CTNNA1: variants seen among roughly 807,000 people sequenced by gnomAD.
The protein encoded by CTNNA1 is catenin alpha 1, also known as catenin alpha-1.
In CTNNA1, 37 loss-of-function variants were observed where a neutral mutation model predicts 98.4. The observed-to-expected ratio is 0.38, with a 90% CI of 0.29 to 0.49. The LOEUF (loss-of-function observed/expected upper bound fraction) is 0.49, where lower values mean the gene tolerates loss of function less well. Ranked by LOEUF, CTNNA1 falls within the 20% of genes least tolerant of loss-of-function variation. The pLI is 0.95. For synonymous variants in CTNNA1, 404 were observed against 413.2 expected, an observed-to-expected ratio of 0.98 and a Z score of 0.27; for missense variants, 761 against 1,147.2, an observed-to-expected ratio of 0.66 and a Z score of 4.86.
chr5:138,851,320 C>T (rs1168989833), intron 7 of CTNNA1, among the ~76,000 whole-genome samples: 16 of 152,294 alleles, frequency 1.1e-4, no homozygotes, highest in Non-Finnish European at 2.9e-5. Flanking sequence ...TCACATCCTC[C>T]AGAGGTTGTT....
chr5:138,899,288 C>T (rs890881472), intron 9 of CTNNA1, among the ~76,000 whole-genome samples: 5 of 152,078 alleles, frequency 3.3e-5, no homozygotes, highest in Non-Finnish European at 7.4e-5. Flanking sequence ...CTGTGTTTAG[C>T]TTACCTTCCA....
chr5:138,927,191 C>T (rs1764252656), intron 13 of CTNNA1, among the ~76,000 whole-genome samples: 2 of 152,332 alleles, frequency 1.3e-5, no homozygotes, highest in East Asian at 1.9e-4. Context: ...GCAGCCAGAG[C>T]GATTTCTGTA....
intron 7 of CTNNA1, among the ~76,000 whole-genome samples, chr5:138,840,976 A>G (rs928997468): frequency 1.3e-5 from 2 of 152,172 alleles, no homozygotes; most frequent in Non-Finnish European, 2.9e-5. Context: ...TGTCATGAGC[A>G]TTGAGTTTCC....
chr5:138,833,014 G>A lies in CTNNA1; in HGVS notation c.1062+5296G>A, dbSNP rs533705247. ...TATGTTCCTTTCTCCGTTTTTTAAGGCATGTGTTTTTCCAATAGTAGAATT... is the reference window on the plus strand; with the variant it reads ...TATGTTCCTTTCTCCGTTTTTTAAGACATGTGTTTTTCCAATAGTAGAATT... On this transcript the variant is annotated intron_variant, in intron 7 of 17. Transcript: ENST00000302763. 3.9e-5 allele frequency among the ~76,000 whole-genome samples: 6 copies of A among 152,176 alleles called. No individual in the cohort carries two copies. The South Asian group carries it at 6.2e-4, about 16-fold the overall frequency.
intron 9 of CTNNA1, among the ~76,000 whole-genome samples, chr5:138,893,181 G>A (rs570714620): frequency 2.6e-5 from 4 of 152,076 alleles, no homozygotes; most frequent in East Asian, 1.9e-4. Flanking sequence ...CACCTGTTCC[G>A]GGGTCTGGGG....
At chr5:138,763,850 A>G (rs904499657) in intron 1 of CTNNA1, among the ~76,000 whole-genome samples, 1 of 150,378 alleles carries the variant, frequency 6.6e-6, no homozygotes, top group African/African-American at 2.4e-5. Context: ...CTGGGTTATC[A>G]TATTTTTAGA....
intron 9 of CTNNA1, among the ~76,000 whole-genome samples, chr5:138,898,638 C>CG (rs1257129613): frequency 6.6e-6 from 1 of 151,706 alleles, no homozygotes; most frequent in Non-Finnish European, 1.5e-5. Context: ...AGCTTTACTA[C>CG]GACATGTCTA....
intron 7 of CTNNA1, among the ~76,000 whole-genome samples, chr5:138,831,713 T>C (rs565399962): frequency 3.8e-4 from 58 of 152,364 alleles, no homozygotes; most frequent in African/African-American, 1.3e-3. Context: ...CTTGAATTGT[T>C]GTTTAATTGC....
Position 138,812,248 on chromosome 5 carries a change from A to T in CTNNA1, c.534A>T (p.Lys178Asn). 1 of 1,614,002 alleles carries T rather than the reference A, an allele frequency of 6.2e-7. No homozygotes were observed. Among genetic ancestry groups the T allele is most frequent in the South Asian group, 1.1e-5 (1 of 91,070 alleles). The change falls in exon 5 of 18, where the codon AAA becomes AAT. Residue 178 changes from lysine (K) to asparagine (N), a missense_variant. Physicochemically the swap from Lys to Asn is moderately conservative, Grantham distance 94. This residue lies in a region of CTNNA1 where 328 missense variants were observed against 354.3 expected (regional missense o/e 0.93). Coordinates refer to ENST00000302763, the MANE Select transcript of CTNNA1 (RefSeq NM_001903.5). ...AACAAGACTTAGGAATCCAGTATAA[A>T]GCCCTAAAACCTGAAGTGGATAAGC... ...GNEQDLGIQY[K>N]ALKPEVDKLN...
chr5:138,779,796 A>G (rs1205386893), intron 1 of CTNNA1, among the ~76,000 whole-genome samples: 1 of 150,444 alleles, frequency 6.6e-6, no homozygotes, highest in African/African-American at 2.5e-5. Flanking sequence ...GCTCACTGCA[A>G]CCTCCACCTC....
At chr5:138,755,927 C>G (rs936296348) in intron 1 of CTNNA1, among the ~76,000 whole-genome samples, 3 of 130,764 alleles carry the variant, frequency 2.3e-5, no homozygotes, top group African/African-American at 5.8e-5. Flanking sequence ...GTGAGGTGAT[C>G]TCAGTTCACT....
At chr5:138,789,142 G>C (rs978025765) in intron 3 of CTNNA1, among the ~76,000 whole-genome samples, 1 of 151,880 alleles carries the variant, frequency 6.6e-6, no homozygotes, top group Admixed American at 6.6e-5. Context: ...TGGTCCCTGA[G>C]GGGGAGATGG....
chr5:138,755,160 T>G (rs1374896135), intron 1 of CTNNA1: 4 of 152,218 alleles, frequency 2.6e-5, no homozygotes, highest in Non-Finnish European at 5.9e-5. Context: ...CAGAGCGGAC[T>G]GCAGTAAGTG....
intron 1 of CTNNA1, among the ~76,000 whole-genome samples, chr5:138,773,108 T>A (rs1367502319): frequency 4.6e-5 from 7 of 152,224 alleles, no homozygotes; most frequent in Non-Finnish European, 1.5e-5. Context: ...ATACTTTTAT[T>A]TTTTGAAATC....
intron 7 of CTNNA1, among the ~76,000 whole-genome samples, chr5:138,859,979 A>T (rs1214606486): frequency 2.0e-5 from 3 of 152,094 alleles, no homozygotes; most frequent in African/African-American, 7.2e-5. Context: ...TTCTCAATTT[A>T]AACTGAGGGC....
At chr5:138,820,748 A>AG (rs77457440) in intron 5 of CTNNA1, among the ~76,000 whole-genome samples, 98,947 of 151,818 alleles carry the variant, frequency 0.65, 32,976 homozygotes, top group East Asian at 0.93. Flanking sequence ...TGTTGTTTTG[A>AG]GGGGGGTGAA....
chr5:138,867,635 C>T (rs796145449), intron 7 of CTNNA1, among the ~76,000 whole-genome samples: 3 of 152,304 alleles, frequency 2.0e-5, no homozygotes, highest in African/African-American at 7.2e-5. Context: ...CCTTTTCTTT[C>T]TCTTCCTTCT....
At chr5:138,821,740 A>C (rs940370744) in intron 5 of CTNNA1, among the ~76,000 whole-genome samples, 1 of 152,166 alleles carries the variant, frequency 6.6e-6, no homozygotes, top group Non-Finnish European at 1.5e-5. Flanking sequence ...TTTGTTCCTG[A>C]GTCTGCTTGA....
intron 7 of CTNNA1, among the ~76,000 whole-genome samples, chr5:138,835,299 A>G (rs1424254577): frequency 6.6e-6 from 1 of 152,158 alleles, no homozygotes; most frequent in African/African-American, 2.4e-5. Flanking sequence ...TTTCCATGCT[A>G]GACTGGTGGT....
Sources: allele counts gnomAD v4.1 joint callset (sites outside exome capture counted in the v4.1 genomes callset), GRCh38; gene constraint gnomAD v4.1.1; regional missense constraint gnomAD v4.1.1; transcripts MANE v1.5; gene names NCBI Gene and HGNC (gene_info 2026-07-23, HGNC 2026-07-21).